Variants in SPATA21 observed in about 807,000 individuals in gnomAD.
The protein encoded by SPATA21 is spermatogenesis-associated protein 21.
Under a neutral mutation model 54.8 loss-of-function variants are expected in SPATA21, and 47 were observed. That is an observed-to-expected ratio of 0.86 (90% CI 0.68 to 1.09). SPATA21 has a LOEUF of 1.09. Among genes scored for constraint, SPATA21 ranks in the 50% least tolerant of loss-of-function variants. The pLI is 0.00. For synonymous variants in SPATA21, 245 were observed against 235.3 expected (o/e 1.04, Z -0.38); for missense variants, 599 against 596.4 (o/e 1.00, Z -0.05).
intron 3 of SPATA21, among the ~76,000 whole-genome samples, chr1:16,430,526 A>G (rs1327586254): frequency 1.3e-5 from 2 of 152,080 alleles, no homozygotes; most frequent in Admixed American, 1.3e-4. Flanking sequence ...GGCTCTGGGG[A>G]GGGGCATGGA....
chr1:16,405,367 C>T lies in SPATA21; in HGVS notation c.674-263G>A, dbSNP rs750699241. Among the ~76,000 whole-genome samples the T allele has an allele frequency of 4.0e-5, 6 of 151,628 alleles. No individual in the cohort carries two copies. The East Asian group carries it at 5.8e-4, about 15-fold the overall frequency. On this transcript the variant is annotated intron_variant, in intron 7 of 12. Transcript: ENST00000335496. ...AGATACAAAACTTAGCTGGGCGTGG[C>T]GGTGCATGACTGTTGTCCCAGCTAC...
chr1:16,418,057 C>A (rs988529122), intron 5 of SPATA21, among the ~76,000 whole-genome samples: 7 of 152,202 alleles, frequency 4.6e-5, no homozygotes, highest in African/African-American at 1.4e-4. Flanking sequence ...TCCTCCAGAG[C>A]AGGGAGCAGG....
In SPATA21 at chr1:16,428,867, C is replaced by G. The variant is rs1373051513; in HGVS notation, c.34+2471G>C. Among the ~76,000 whole-genome samples the G allele has an allele frequency of 1.3e-5, 2 of 152,204 alleles. No individual in the cohort carries two copies. Among genetic ancestry groups the G allele is most frequent in the East Asian group, 3.8e-4 (2 of 5,196 alleles). ...ATACTAACAGGCACCTACTATGAGA[C>G]AGGGCCTGTGCTAGGTGCCTTAGTC... On this transcript the variant is annotated intron_variant, in intron 3 of 12. Transcript: ENST00000335496. This position sits in a 1 kb window ranked among gnomAD's most constrained non-coding sequence, Gnocchi z 4.3.
intron 2 of SPATA21, among the ~76,000 whole-genome samples, chr1:16,432,083 T>G (rs979813405): frequency 1.3e-5 from 2 of 151,098 alleles, no homozygotes; most frequent in African/African-American, 4.9e-5. Context: ...ACATCCTTTC[T>G]TTTTCTTTTT....
intron 5 of SPATA21, among the ~76,000 whole-genome samples, chr1:16,414,481 C>G (rs571221561): frequency 6.6e-6 from 1 of 152,294 alleles, no homozygotes; most frequent in East Asian, 1.9e-4. Context: ...GTATGTTGTC[C>G]TCAATATGTA....
intron 3 of SPATA21, 139 bp downstream of exon 3, chr1:16,431,199 C>T (rs748115067): frequency 6.5e-7 from 1 of 1,534,612 alleles, no homozygotes; most frequent in Admixed American, 2.1e-5. Context: ...GGAAAGGTGC[C>T]AGCTAGGAGT....
rs7520840 is a variant in SPATA21, at chr1:16,399,672, G to T, written c.1175-151C>A. ...ACCTCTCTAAGCTTCTGAGCTGGAG[G>T]TGATAGTGGTACCCACCTCACAAAA... is the stretch of plus-strand genomic sequence containing the variant. On this transcript the variant is annotated intron_variant, in intron 11 of 12. Transcript: ENST00000335496. 7.3e-3 allele frequency: 6,306 copies of T among 861,502 alleles called. 277 individuals are homozygous for T. The African/African-American group carries it at 0.092, about 13-fold the overall frequency. 53.4% of individuals were successfully genotyped at this position (861,502 alleles called of 1,614,324 possible).
intron 12 of SPATA21, among the ~76,000 whole-genome samples, 190 bp from the exon 13 acceptor site, chr1:16,399,012 G>A (rs1178957767): frequency 2.0e-5 from 3 of 152,144 alleles, no homozygotes; most frequent in Non-Finnish European, 4.4e-5. Context: ...GCCTGGAGGG[G>A]GACTGCTGCA....
In SPATA21 at chr1:16,424,075, C is replaced by T. The variant is rs530395859; in HGVS notation, c.35-2104G>A. On this transcript the variant is annotated intron_variant, in intron 3 of 12. Transcript: ENST00000335496. The stretch of plus-strand genomic sequence containing the variant: ...GTGGGGATGGTTTTGTGGGTGTGTA[C>T]ATATGTCAAAATATTAAATTGTACA... Among the ~76,000 whole-genome samples the T allele has an allele frequency of 8.6e-5, 13 of 150,962 alleles. No individual in the cohort carries two copies. In the South Asian group the frequency reaches 2.5e-3, roughly 29 times the overall value.
intron 1 of SPATA21, among the ~76,000 whole-genome samples, chr1:16,435,717 G>A (rs2086570661): frequency 6.6e-6 from 1 of 151,778 alleles, no homozygotes. Flanking sequence ...TTGGGCTCAG[G>A]TGATCCTCCC....
rs372438758 is a variant in SPATA21, at chr1:16,415,785, C to T, written c.144+5724G>A. Among the ~76,000 whole-genome samples the T allele has an allele frequency of 4.5e-4, 68 of 152,246 alleles. 2 individuals carry two copies. The highest frequency in any genetic ancestry group is 1.5e-3 in the African/African-American group (64 of 41,552). ...ATGTTAGCCAGGATGGTCTCGATCT[C>T]CTGACCTTGTGATCCGCCCACCTCG... On this transcript the variant is annotated intron_variant, in intron 5 of 12. Coordinates refer to ENST00000335496, the MANE Select transcript of SPATA21 (RefSeq NM_198546.1).
chr1:16,402,021 G>C (rs1311525839), intron 10 of SPATA21, among the ~76,000 whole-genome samples: 2 of 152,104 alleles, frequency 1.3e-5, no homozygotes, highest in Non-Finnish European at 2.9e-5. Context: ...GGCCAAGGGT[G>C]CCGCAGTGGC....
At chr1:16,427,995 C>G (rs756405855) in intron 3 of SPATA21, 4 of 1,549,312 alleles carry the variant, frequency 2.6e-6, no homozygotes, top group Non-Finnish European at 3.5e-6. Flanking sequence ...TGCCCACTTC[C>G]GAAGCATCCG....
chr1:16,397,853 G>A, downstream of SPATA21: 1 of 309,246 alleles, frequency 3.2e-6, no homozygotes, highest in South Asian at 1.3e-4. The surrounding 1 kb of genome is among the most constrained non-coding windows in gnomAD (Gnocchi z 5.4). Flanking sequence ...CCCCATCTGG[G>A]GGTGCCCTGC....
chr1:16,421,678 C>T lies in SPATA21; in HGVS notation c.96-121G>A. 8.5e-7 allele frequency: 1 copy of T among 1,182,694 alleles called. No individual in the cohort carries two copies. Among genetic ancestry groups the T allele is most frequent in the South Asian group, 1.4e-5 (1 of 70,146 alleles). The allele number at this position is 1,182,694 out of a possible 1,614,324, so 73.3% of individuals were successfully genotyped here. A position where few individuals can be genotyped will look rare whatever the true frequency, so the allele number is the denominator to read the frequency against. On this transcript the variant is annotated intron_variant, in intron 4 of 12. Transcript: ENST00000335496. The surrounding 1 kb of genome is among the most constrained non-coding windows in gnomAD (Gnocchi z 5.2). ...CCCAGCCTCATCCCCTTGGCCTTCTCATCTCAGGGGGCTCCTTATGTCCCC... is the reference window on the plus strand; with the variant it reads ...CCCAGCCTCATCCCCTTGGCCTTCTTATCTCAGGGGGCTCCTTATGTCCCC...
At chr1:16,398,916 A>T (rs1461358167) in intron 12 of SPATA21, 94 bp from the exon 13 acceptor site, 7 of 1,302,200 alleles carry the variant, frequency 5.4e-6, no homozygotes, top group Non-Finnish European at 5.3e-6. Flanking sequence ...AAGTGAGGAG[A>T]GAGAGGAGGC....
intron 5 of SPATA21, among the ~76,000 whole-genome samples, chr1:16,419,517 C>G (rs1272969642): frequency 6.6e-6 from 1 of 152,114 alleles, no homozygotes; most frequent in Non-Finnish European, 1.5e-5. Context: ...GTTGCATGAG[C>G]CCCTTGGGTG....
chr1:16,418,943 C>T (rs1248979102), intron 5 of SPATA21, among the ~76,000 whole-genome samples: 2 of 152,186 alleles, frequency 1.3e-5, no homozygotes, highest in East Asian at 1.9e-4. Flanking sequence ...GTACCTACCA[C>T]GTGCTGGGCA....
At chr1:16,405,493 GAAAAAAAAAA>G (rs538611012) in intron 7 of SPATA21, among the ~76,000 whole-genome samples, 1 of 81,326 alleles carries the variant, frequency 1.2e-5, no homozygotes, top group Non-Finnish European at 2.2e-5. Context: ...AAATAAAAAT[GAAAAAAAAAA>G]AAAAAAAAAA....
Sources: gnomAD v4.1 joint callset for allele counts (sites outside exome capture counted in the v4.1 genomes callset) on GRCh38, gnomAD v4.1.1 for gene constraint, Gnocchi (gnomAD v3.1) non-coding constraint, MANE v1.5 for transcripts, NCBI Gene and HGNC (gene_info 2026-07-23, HGNC 2026-07-21) for gene names.